FSTL5: variants seen among roughly 807,000 people sequenced by gnomAD.
The protein encoded by FSTL5 is follistatin-related protein 5.
FSTL5 carries 62 observed loss-of-function variants against 89.1 expected under a neutral mutation model. The observed-to-expected ratio is 0.70, with a 90% confidence interval of 0.57 to 0.86. The LOEUF is 0.86. FSTL5 is among the 40% of genes least tolerant of loss of function. The pLI is 0.00. For synonymous variants in FSTL5, 383 were observed against 346.2 expected, an observed-to-expected ratio of 1.11 and a Z score of -1.18; for missense variants, 1,057 against 1,001.6, an observed-to-expected ratio of 1.06 and a Z score of -0.75.
intron 15 of FSTL5, among the ~76,000 whole-genome samples, chr4:161,413,686 T>C (rs2314103): frequency 0.13 from 20,216 of 152,192 alleles, 1,476 homozygotes; most frequent in African/African-American, 0.17. Flanking sequence ...TGTTCATCAA[T>C]GATAGATTGG....
chr4:161,872,233 A>T lies in FSTL5; in HGVS notation c.409+48171T>A, dbSNP rs78125275. Among the ~76,000 whole-genome samples, 334 of 150,460 alleles carry T rather than the reference A, an allele frequency of 2.2e-3. 11 individuals carry two copies. The East Asian group carries it at 0.057, about 26-fold the overall frequency. Reference sequence around the variant, plus strand: ...GCTGTACCTGCCTTGGCCTCCCAAAAGTACTGGGATTATAGGCATGAGCCA... The same window carrying T: ...GCTGTACCTGCCTTGGCCTCCCAAATGTACTGGGATTATAGGCATGAGCCA... On this transcript the variant is annotated intron_variant, in intron 4 of 15. Transcript: ENST00000306100.
rs561302380 is a variant in FSTL5, at chr4:161,452,075, C to G, written c.1841+2929G>C. The stretch of plus-strand genomic sequence containing the variant: ...ACCCTCTGCCTGGCATGGAAAACTT[C>G]TATTGAGCCCAACAGTTAGAATGTA... On this transcript the variant is annotated intron_variant, in intron 15 of 15. Coordinates refer to ENST00000306100, the MANE Select transcript of FSTL5 (RefSeq NM_020116.5). Among the ~76,000 whole-genome samples, 3 of 152,336 alleles carry G rather than the reference C, an allele frequency of 2.0e-5. No homozygotes were observed. The South Asian group carries it at 6.2e-4, about 32-fold the overall frequency.
intron 4 of FSTL5, among the ~76,000 whole-genome samples, chr4:161,805,980 T>C: frequency 6.6e-6 from 1 of 152,122 alleles, no homozygotes; most frequent in East Asian, 1.9e-4. Context: ...TTTTAGTTAT[T>C]GTTAATCTCT....
In FSTL5 at chr4:161,538,980, G is replaced by C. The variant is rs185963737; in HGVS notation, c.1178-680C>G. Reference sequence around the variant, plus strand: ...GGGTTTCACCATGTTTGCCAGGCTGGTTTCGAACTCCTGACCTCAGGTTAT... The same window carrying C: ...GGGTTTCACCATGTTTGCCAGGCTGCTTTCGAACTCCTGACCTCAGGTTAT... On this transcript the variant is annotated intron_variant, in intron 9 of 15. Coordinates refer to ENST00000306100, the MANE Select transcript of FSTL5 (RefSeq NM_020116.5). Among the ~76,000 whole-genome samples the C allele has an allele frequency of 4.3e-3, 653 of 152,110 alleles. 1 individual carries two copies. The highest frequency in any genetic ancestry group is 8.0e-3 in the Non-Finnish European group (543 of 67,996).
At chr4:161,635,909 T>C (rs1040429600) in intron 7 of FSTL5, among the ~76,000 whole-genome samples, 3 of 152,152 alleles carry the variant, frequency 2.0e-5, no homozygotes, top group African/African-American at 7.2e-5. Flanking sequence ...CCAACAAACA[T>C]ATTTCTAATA....
At chr4:161,481,989 A>G (rs1729525944) in intron 12 of FSTL5, among the ~76,000 whole-genome samples, 1 of 152,304 alleles carries the variant, frequency 6.6e-6, no homozygotes, top group African/African-American at 2.4e-5. Context: ...ACAGTTAGGA[A>G]AACCACTAAT....
chr4:161,716,657 CTTACT>C (rs1441251495), intron 6 of FSTL5, among the ~76,000 whole-genome samples: 1 of 151,898 alleles, frequency 6.6e-6, no homozygotes, highest in Non-Finnish European at 1.5e-5. Context: ...TCTCAAATGC[CTTACT>C]TTATTTCTCT....
intron 3 of FSTL5, among the ~76,000 whole-genome samples, chr4:161,999,520 T>A (rs1236251177): frequency 1.3e-5 from 2 of 152,186 alleles, no homozygotes; most frequent in African/African-American, 4.8e-5. Flanking sequence ...AATCTCTTTT[T>A]AATTGACTAT....
chr4:162,003,365 T>C (rs902991422), intron 3 of FSTL5, among the ~76,000 whole-genome samples: 1 of 152,154 alleles, frequency 6.6e-6, no homozygotes, highest in African/African-American at 2.4e-5. Flanking sequence ...AACCAAGTCA[T>C]AGCAACAAAA....
At chr4:161,677,297 C>T (rs1329765821) in intron 6 of FSTL5, among the ~76,000 whole-genome samples, 1 of 151,486 alleles carries the variant, frequency 6.6e-6, no homozygotes, top group African/African-American at 2.4e-5. Context: ...GGGAATGAGT[C>T]AGAGAGAGGC....
chr4:161,675,982 G>A (rs149250241), intron 6 of FSTL5, among the ~76,000 whole-genome samples: 2,303 of 152,148 alleles, frequency 0.015, 68 homozygotes, highest in South Asian at 0.13. Context: ...ACAATTGTAG[G>A]AAACGAATCA....
At chr4:162,005,175 C>T (rs892738471) in intron 3 of FSTL5, among the ~76,000 whole-genome samples, 2 of 152,056 alleles carry the variant, frequency 1.3e-5, no homozygotes, top group African/African-American at 2.4e-5. Flanking sequence ...GTTCTGTCTA[C>T]CTAAAAAATT....
intron 15 of FSTL5, among the ~76,000 whole-genome samples, chr4:161,454,226 CTT>C (rs1481865989): frequency 2.0e-5 from 3 of 152,156 alleles, no homozygotes; most frequent in African/African-American, 7.2e-5. Context: ...TCAGAATTCA[CTT>C]GAGTAAAAGG....
intron 3 of FSTL5, among the ~76,000 whole-genome samples, chr4:162,015,359 C>T (rs1241475638): frequency 6.6e-6 from 1 of 152,160 alleles, no homozygotes; most frequent in Non-Finnish European, 1.5e-5. Flanking sequence ...GACTGTATGA[C>T]TCAAATCACA....
intron 4 of FSTL5, among the ~76,000 whole-genome samples, chr4:161,914,914 TA>T (rs749894004): frequency 3.3e-5 from 5 of 152,180 alleles, no homozygotes; most frequent in Non-Finnish European, 7.3e-5. Context: ...ACCAATACCA[TA>T]GATGGTAGAT....
chr4:161,719,923 A>C (rs1739134522), intron 6 of FSTL5, among the ~76,000 whole-genome samples: 1 of 152,162 alleles, frequency 6.6e-6, no homozygotes, highest in Non-Finnish European at 1.5e-5. Flanking sequence ...TGAAAGACTT[A>C]AACGTAAGAC....
At chr4:162,027,691 G>T (rs1737349363) in intron 3 of FSTL5, among the ~76,000 whole-genome samples, 1 of 151,926 alleles carries the variant, frequency 6.6e-6, no homozygotes, top group African/African-American at 2.4e-5. Flanking sequence ...TGATTTATTT[G>T]TCAACAATTT....
At chr4:161,968,266 C>T (rs1206357975) in intron 3 of FSTL5, among the ~76,000 whole-genome samples, 3 of 151,502 alleles carry the variant, frequency 2.0e-5, no homozygotes, top group Non-Finnish European at 4.4e-5. Flanking sequence ...TGTTAGAAAA[C>T]AAAATTGGTT....
intron 10 of FSTL5, among the ~76,000 whole-genome samples, chr4:161,534,364 C>A (rs973186634): frequency 6.6e-6 from 1 of 151,966 alleles, no homozygotes; most frequent in African/African-American, 2.4e-5. Context: ...ATGAAACTGA[C>A]AAATTCAGCA....
Sources: allele counts gnomAD v4.1 joint callset (sites outside exome capture counted in the v4.1 genomes callset), GRCh38; gene constraint gnomAD v4.1.1; transcripts MANE v1.5; gene names NCBI Gene and HGNC (gene_info 2026-07-23, HGNC 2026-07-21).